The following MYO3A variants were observed in gnomAD, a reference collection of about 807,000 sequenced individuals.
MYO3A encodes the protein myosin IIIA, also known as myosin-IIIa.
Under a neutral mutation model 192.7 loss-of-function variants are expected in MYO3A, and 180 were observed. The observed-to-expected ratio is 0.93, with a 90% CI of 0.83 to 1.06. The LOEUF is 1.06. Among genes scored for constraint, MYO3A ranks in the 50% least tolerant of loss-of-function variants. The probability of loss-of-function intolerance (pLI) is 0.00; values close to 1 mark genes in which losing one functional copy is unlikely to be tolerated. For missense variants in MYO3A, 1,896 were observed against 1,905.0 expected, an observed-to-expected ratio of 1.00 and a Z score of 0.09; for synonymous variants, 628 against 645.3, an observed-to-expected ratio of 0.97 and a Z score of 0.41.
intron 26 of MYO3A, among the ~76,000 whole-genome samples, chr10:26,164,808 T>G (rs975107146): frequency 6.6e-6 from 1 of 152,062 alleles, no homozygotes; most frequent in Non-Finnish European, 1.5e-5. Context: ...TGCCTAAGGG[T>G]GGCTCCTGCG....
chr10:26,057,322 A>T (rs1442043673), intron 10 of MYO3A, among the ~76,000 whole-genome samples: 7 of 152,178 alleles, frequency 4.6e-5, no homozygotes, highest in Admixed American at 4.6e-4. Flanking sequence ...TTCTGATAGG[A>T]TGATAGAGCA....
chr10:26,208,784 T>G (rs1301262687), intron 34 of MYO3A, among the ~76,000 whole-genome samples: 1 of 152,196 alleles, frequency 6.6e-6, no homozygotes, highest in African/African-American at 2.4e-5. Flanking sequence ...CAGACCAGAA[T>G]AGAGGCATAT....
chr10:26,120,755 A>C lies in MYO3A; in HGVS notation c.1856A>C (p.His619Pro), dbSNP rs1326843152. 6.2e-7 allele frequency: 1 copy of C among 1,613,992 alleles called. No individual in the cohort carries two copies. The highest frequency in any genetic ancestry group is 8.5e-7 in the Non-Finnish European group (1 of 1,179,996). ...NIEFSSVATE[H>P]QIDKSHISNH... ...GAATTTTCTTCTGTGGCAACTGAACACCAGATTGACAAGAGCCACATTTCT... is the reference window on the plus strand; with the variant it reads ...GAATTTTCTTCTGTGGCAACTGAACCCCAGATTGACAAGAGCCACATTTCT... Residue 619 changes from histidine (H) to proline (P), a missense_variant, in exon 18 of 35, where the codon CAC becomes CCC. His to Pro is a moderately conservative substitution (Grantham distance 77, BLOSUM62 -2). Transcript: ENST00000642920.
intron 31 of MYO3A, 134 bp downstream of exon 31, chr10:26,176,979 T>C (rs1842367376): frequency 9.7e-7 from 1 of 1,031,166 alleles, no homozygotes; most frequent in Non-Finnish European, 1.4e-6. Flanking sequence ...TTATTTCATT[T>C]CTTATATGGA....
chr10:26,068,409 A>G (rs12775421), intron 11 of MYO3A, among the ~76,000 whole-genome samples: 72,181 of 152,004 alleles, frequency 0.47, 17,945 homozygotes, highest in Middle Eastern at 0.59. Flanking sequence ...ATTAAATCAT[A>G]TTCACTTTAT....
chr10:26,124,683 A>T (rs973132940), intron 18 of MYO3A, among the ~76,000 whole-genome samples: 3 of 152,224 alleles, frequency 2.0e-5, no homozygotes, highest in African/African-American at 7.2e-5. Flanking sequence ...TCTGTCATGT[A>T]ATAGTTTTGG....
intron 27 of MYO3A, among the ~76,000 whole-genome samples, chr10:26,168,411 T>G (rs950604909): frequency 5.3e-5 from 8 of 152,218 alleles, no homozygotes; most frequent in Admixed American, 6.5e-5. Context: ...GAATATACGA[T>G]GCTAGAAACT....
intron 2 of MYO3A, among the ~76,000 whole-genome samples, chr10:25,944,709 T>C (rs1035154108): frequency 2.6e-5 from 4 of 152,068 alleles, no homozygotes; most frequent in Non-Finnish European, 5.9e-5. Flanking sequence ...TTAACAGTAC[T>C]CTCTTATAAT....
At chr10:26,099,869 TCTC>T (rs1198199814) in intron 17 of MYO3A, among the ~76,000 whole-genome samples, 3 of 152,276 alleles carry the variant, frequency 2.0e-5, no homozygotes, top group Non-Finnish European at 4.4e-5. Context: ...GATCTAAAAT[TCTC>T]CTTTTTTGTT....
chr10:25,969,635 GA>G (rs754384599), intron 4 of MYO3A, among the ~76,000 whole-genome samples: 46 of 152,106 alleles, frequency 3.0e-4, no homozygotes, highest in Non-Finnish European at 5.7e-4. Flanking sequence ...TCAACCCAAA[GA>G]AAGTAGGAAA....
At chr10:26,114,649 T>C (rs1838396891) in intron 17 of MYO3A, among the ~76,000 whole-genome samples, 2 of 152,004 alleles carry the variant, frequency 1.3e-5, no homozygotes, top group African/African-American at 4.8e-5. Context: ...ATAAAACAAA[T>C]AAGAAAGATT....
chr10:26,018,953 G>A (rs80198015), intron 7 of MYO3A, among the ~76,000 whole-genome samples: 5,593 of 152,130 alleles, frequency 0.037, 372 homozygotes, highest in African/African-American at 0.12. Flanking sequence ...TGAGAAATTC[G>A]TATGAATGCA....
intron 4 of MYO3A, among the ~76,000 whole-genome samples, chr10:25,983,459 G>A (rs888971309): frequency 4.6e-5 from 7 of 151,874 alleles, no homozygotes; most frequent in African/African-American, 1.2e-4. Flanking sequence ...GGGTTTCACC[G>A]TGTTATCCAG....
At chr10:25,999,092 G>A (rs1431488342) in intron 6 of MYO3A, among the ~76,000 whole-genome samples, 1 of 151,948 alleles carries the variant, frequency 6.6e-6, no homozygotes, top group African/African-American at 2.4e-5. Flanking sequence ...TAGAGACGGG[G>A]TTTCACCATA....
intron 26 of MYO3A, among the ~76,000 whole-genome samples, chr10:26,159,381 A>G (rs1841361736): frequency 3.0e-5 from 4 of 135,548 alleles, no homozygotes; most frequent in African/African-American, 1.1e-4. Flanking sequence ...TTTTTTTTAG[A>G]CAGAGTCTCG....
chr10:26,105,350 C>T (rs1200495539), intron 17 of MYO3A, among the ~76,000 whole-genome samples: 1 of 152,086 alleles, frequency 6.6e-6, no homozygotes, highest in South Asian at 2.1e-4. Context: ...ATACCCTTCC[C>T]CCACTCATTC....
chr10:26,039,188 G>C (rs905720226), intron 10 of MYO3A, among the ~76,000 whole-genome samples: 3 of 148,584 alleles, frequency 2.0e-5, no homozygotes, highest in Admixed American at 2.0e-4. Flanking sequence ...TTACAGGCAG[G>C]CACCACCAGG....
intron 32 of MYO3A, among the ~76,000 whole-genome samples, chr10:26,199,729 G>A (rs1350688530): frequency 6.6e-6 from 1 of 152,026 alleles, no homozygotes; most frequent in East Asian, 1.9e-4. Flanking sequence ...ATCTTCACCA[G>A]CCTGAGAATT....
intron 6 of MYO3A, among the ~76,000 whole-genome samples, chr10:26,008,597 C>T (rs1421638192): frequency 2.0e-5 from 3 of 151,534 alleles, no homozygotes; most frequent in African/African-American, 7.3e-5. Context: ...CAACAGAAGA[C>T]ATTTATGCAG....
Sources: allele counts gnomAD v4.1 joint callset (sites outside exome capture counted in the v4.1 genomes callset), GRCh38; gene constraint gnomAD v4.1.1; transcripts MANE v1.5; gene names NCBI Gene and HGNC (gene_info 2026-07-23, HGNC 2026-07-21).